The following PTPRD variants were observed in gnomAD, a reference collection of about 807,000 sequenced individuals.
PTPRD encodes the protein protein tyrosine phosphatase receptor type D.
A neutral mutation model predicts 214.5 loss-of-function variants in PTPRD; 34 were observed. That is an observed-to-expected ratio of 0.16 (90% confidence interval 0.12 to 0.21). PTPRD has a LOEUF of 0.21. Ranked by LOEUF, PTPRD falls within the 10% of genes least tolerant of loss-of-function variation. The pLI is 1.00. For missense variants in PTPRD, 2,545 were observed against 2,398.7 expected (o/e 1.06, Z -1.27); for synonymous variants, 1,128 against 845.7 (o/e 1.33, Z -5.79).
chr9:10,089,640 C>T (rs772902201), intron 3 of PTPRD, among the ~76,000 whole-genome samples: 4 of 151,514 alleles, frequency 2.6e-5, no homozygotes, highest in Non-Finnish European at 4.4e-5. Flanking sequence ...ACTGAAGAGT[C>T]ATACAACAGA....
chr9:9,932,193 G>C (rs1055023383), intron 5 of PTPRD, among the ~76,000 whole-genome samples: 4 of 151,042 alleles, frequency 2.6e-5, no homozygotes, highest in African/African-American at 9.9e-5. Flanking sequence ...AAGGAACGCA[G>C]TTCCTCACCA....
intron 10 of PTPRD, among the ~76,000 whole-genome samples, chr9:9,094,898 T>A (rs2099781301): frequency 2.0e-5 from 3 of 152,148 alleles, no homozygotes; most frequent in Non-Finnish European, 2.9e-5. Context: ...ACCAGTGTCC[T>A]TCATGATCAT....
At chr9:9,312,656 G>T (rs950921256) in intron 9 of PTPRD, among the ~76,000 whole-genome samples, 1 of 152,136 alleles carries the variant, frequency 6.6e-6, no homozygotes, top group Non-Finnish European at 1.5e-5. Context: ...TTTTGTCCCA[G>T]GTGGGTTCCT....
chr9:10,421,428 T>A (rs1420102996), intron 2 of PTPRD, among the ~76,000 whole-genome samples: 1 of 151,958 alleles, frequency 6.6e-6, no homozygotes, highest in Admixed American at 6.6e-5. Flanking sequence ...ATAGAAGAGA[T>A]ATGAATTATA....
At chr9:9,588,393 G>C (rs1020168869) in intron 7 of PTPRD, among the ~76,000 whole-genome samples, 1 of 152,060 alleles carries the variant, frequency 6.6e-6, no homozygotes. Flanking sequence ...AAACTGCTCA[G>C]AGGAAAAATT....
chr9:10,444,682 T>C (rs373531013), intron 2 of PTPRD, among the ~76,000 whole-genome samples: 31 of 151,576 alleles, frequency 2.0e-4, no homozygotes, highest in African/African-American at 7.0e-4. Flanking sequence ...GAAACTCTTA[T>C]GATTCCATGA....
chr9:9,970,474 T>A lies in PTPRD; in HGVS notation c.-471-31864A>T, dbSNP rs570682705. ...AGAAAAAGAAAAAGAAAAAAAAAAT[T>A]ACTTTTGTGGTTGAATTACCTCATC... On this transcript the variant is annotated intron_variant, in intron 4 of 45. Coordinates refer to ENST00000381196, the MANE Select transcript of PTPRD (RefSeq NM_002839.4). Among the ~76,000 whole-genome samples, 3 of 149,034 alleles carry A rather than the reference T, an allele frequency of 2.0e-5. No homozygotes were observed. The East Asian group carries it at 5.8e-4, about 29-fold the overall frequency.
chr9:10,460,845 G>A (rs192270666), intron 2 of PTPRD, among the ~76,000 whole-genome samples: 1 of 152,158 alleles, frequency 6.6e-6, no homozygotes, highest in African/African-American at 2.4e-5. Context: ...GATTTATTGG[G>A]TATCACACCA....
intron 9 of PTPRD, among the ~76,000 whole-genome samples, chr9:9,197,556 G>A (rs1262442374): frequency 4.6e-5 from 7 of 152,132 alleles, no homozygotes; most frequent in South Asian, 2.1e-4. Flanking sequence ...GATTACAGGC[G>A]CGTGCCACCA....
At position 9,196,715 on chromosome 9, in the gene PTPRD, A is replaced by G. The variant is rs373568923; in HGVS notation, c.-202-13352T>C. ...TCTAGCATATTTCCTGTCTTGTAAT[A>G]TGTATGCAATACATAAATATCCACA... On this transcript the variant is annotated intron_variant, in intron 9 of 45. Coordinates refer to ENST00000381196, the MANE Select transcript of PTPRD (RefSeq NM_002839.4). Among the ~76,000 whole-genome samples, 15 of 152,328 alleles carry G rather than the reference A, an allele frequency of 9.8e-5. No individual in the cohort carries two copies. The East Asian group carries it at 2.5e-3, about 25-fold the overall frequency.
At chr9:9,084,551 T>A (rs2099764225) in intron 10 of PTPRD, among the ~76,000 whole-genome samples, 1 of 152,146 alleles carries the variant, frequency 6.6e-6, no homozygotes, top group East Asian at 1.9e-4. Context: ...TAAAGTATAA[T>A]AATAGTAAAA....
At chr9:10,574,981 G>A (rs1409497334) in intron 2 of PTPRD, among the ~76,000 whole-genome samples, 3 of 151,464 alleles carry the variant, frequency 2.0e-5, no homozygotes, top group East Asian at 1.9e-4. Context: ...GCAATGTGGA[G>A]TAAAAAAATC....
At chr9:8,762,084 T>C (rs1434065004) in intron 11 of PTPRD, among the ~76,000 whole-genome samples, 1 of 152,180 alleles carries the variant, frequency 6.6e-6, no homozygotes, top group Non-Finnish European at 1.5e-5. Context: ...ATGTCCATAC[T>C]ATAGCAGTTT....
chr9:9,868,069 T>C (rs2064435539), intron 5 of PTPRD, among the ~76,000 whole-genome samples: 1 of 152,196 alleles, frequency 6.6e-6, no homozygotes, highest in Non-Finnish European at 1.5e-5. Flanking sequence ...ACCTGATTGA[T>C]GGTGTGCCTA....
intron 3 of PTPRD, among the ~76,000 whole-genome samples, chr9:10,104,202 AT>A (rs1256334367): frequency 6.6e-6 from 1 of 151,696 alleles, no homozygotes; most frequent in African/African-American, 2.4e-5. Flanking sequence ...TGGGTACAGA[AT>A]TTCTGTTTTA....
intron 2 of PTPRD, among the ~76,000 whole-genome samples, chr9:10,343,219 C>T (rs553713493): frequency 5.9e-5 from 9 of 151,882 alleles, no homozygotes; most frequent in Admixed American, 3.9e-4. Flanking sequence ...TGAGTGAGAA[C>T]GTGCGATGTT....
chr9:9,218,835 C>T (rs1013563082), intron 9 of PTPRD, among the ~76,000 whole-genome samples: 1 of 152,122 alleles, frequency 6.6e-6, no homozygotes, highest in Non-Finnish European at 1.5e-5. Context: ...CACTACCAGA[C>T]AATCACACCC....
At chr9:9,251,439 C>T (rs35967722) in intron 9 of PTPRD, among the ~76,000 whole-genome samples, 37,945 of 151,986 alleles carry the variant, frequency 0.25, 5,407 homozygotes, top group Middle Eastern at 0.34. Flanking sequence ...TTTGTACATG[C>T]TTTTTCCTTT....
chr9:8,326,216 T>C (rs774126020), intron 44 of PTPRD, among the ~76,000 whole-genome samples: 7 of 152,222 alleles, frequency 4.6e-5, no homozygotes, highest in African/African-American at 7.2e-5. Flanking sequence ...TTGTCATAAA[T>C]AGCTCTTCTT....
Sources: allele counts gnomAD v4.1 joint callset (sites outside exome capture counted in the v4.1 genomes callset), GRCh38; gene constraint gnomAD v4.1.1; transcripts MANE v1.5; gene names NCBI Gene and HGNC (gene_info 2026-07-23, HGNC 2026-07-21).